YLPM1: variants seen among roughly 807,000 people sequenced by gnomAD.
The protein encoded by YLPM1 is YLP motif-containing protein 1.
YLPM1 carries 99 observed loss-of-function variants against 230.0 expected under a neutral mutation model. The ratio of observed to expected loss-of-function variants is 0.43; its 90% CI spans 0.37 to 0.51. The LOEUF is 0.51. YLPM1 is among the 20% of genes least tolerant of loss of function. The pLI, the probability that YLPM1 is intolerant of heterozygous loss-of-function variation, is 0.00. For synonymous variants in YLPM1, 984 were observed against 942.5 expected (o/e 1.04, Z -0.81); for missense variants, 2,592 against 2,707.7 (o/e 0.96, Z 0.95).
chr14:74,777,150 A>G (rs2091049337), intron 1 of YLPM1, among the ~76,000 whole-genome samples: 1 of 152,236 alleles, frequency 6.6e-6, no homozygotes, highest in Admixed American at 6.5e-5. Context: ...TAATATTTCC[A>G]TACTAAGCTT....
intron 1 of YLPM1, among the ~76,000 whole-genome samples, chr14:74,775,239 C>G (rs2091022989): frequency 6.6e-6 from 1 of 152,096 alleles, no homozygotes; most frequent in Admixed American, 6.5e-5. Context: ...TGATCAATAA[C>G]CATTTATTGA....
At chr14:74,775,955 C>T (rs959211809) in intron 1 of YLPM1, among the ~76,000 whole-genome samples, 1 of 152,178 alleles carries the variant, frequency 6.6e-6, no homozygotes, top group Non-Finnish European at 1.5e-5. Flanking sequence ...ACATCACTTT[C>T]TTGAAATACT....
chr14:74,763,402 C>G lies in YLPM1; in HGVS notation c.-88C>G. On this transcript the variant is annotated 5_prime_UTR_variant, in exon 1 of 21. Coordinates refer to ENST00000325680, the MANE Select transcript of YLPM1 (RefSeq NM_019589.3). The stretch of plus-strand genomic sequence containing the variant: ...CCGGGGCCTGTAGGCGCCGCGAGTT[C>G]CGGCTGTCGCCGTCGCCGCCGCGGC... 5 of 1,374,886 alleles carry G rather than the reference C, an allele frequency of 3.6e-6. No individual in the cohort carries two copies. The highest frequency in any genetic ancestry group is 3.8e-6 in the Non-Finnish European group (4 of 1,057,194). 85.2% of individuals were successfully genotyped at this position (1,374,886 alleles called of 1,614,324 possible).
chr14:74,809,630 T>C lies in YLPM1; in HGVS notation c.4772T>C (p.Leu1591Pro), dbSNP rs1215331384. 6.2e-7 allele frequency: 1 copy of C among 1,613,946 alleles called. No individual in the cohort carries two copies. The highest frequency in any genetic ancestry group is 8.5e-7 in the Non-Finnish European group (1 of 1,179,916). The change falls in exon 7 of 21, where the codon CTG becomes CCG. Residue 1591 changes from leucine (L) to proline (P), a missense_variant. Coordinates refer to ENST00000325680, the MANE Select transcript of YLPM1 (RefSeq NM_019589.3). Reference sequence around the variant, plus strand: ...TGGGATACAAATGATGAACAAGGACTGAATTCAGAATTTAAGTCAGAAACT... The same window carrying C: ...TGGGATACAAATGATGAACAAGGACCGAATTCAGAATTTAAGTCAGAAACT... ...GLWDTNDEQG[L>P]NSEFKSETAA...
chr14:74,820,328 C>T (rs2091510991), intron 16 of YLPM1, among the ~76,000 whole-genome samples: 1 of 152,152 alleles, frequency 6.6e-6, no homozygotes, highest in South Asian at 2.1e-4. Context: ...TAGCTCATTG[C>T]TGCCTCACCT....
chr14:74,790,490 T>A (rs1192549231), intron 4 of YLPM1, among the ~76,000 whole-genome samples: 1 of 152,174 alleles, frequency 6.6e-6, no homozygotes, highest in African/African-American at 2.4e-5. Context: ...TTAAAAGTAT[T>A]TGTATAACTG....
chr14:74,797,744 C>A lies in YLPM1; in HGVS notation c.2447C>A (p.Pro816Gln). 1 of 1,613,576 alleles carries A rather than the reference C, an allele frequency of 6.2e-7. No homozygotes were observed. Among genetic ancestry groups the A allele is most frequent in the South Asian group, 1.1e-5 (1 of 91,064 alleles). ...AAGTGGGGAATGATTCCCCGGGGGC[C>A]AGCATCTCAATTTTATATTACCCCC... The part of the protein sequence containing the change: ...KSKWGMIPRG[P>Q]ASQFYITPST... The change falls in exon 5 of 21, where the codon CCA (proline) becomes CAA (glutamine). Residue 816 changes from proline to glutamine, a missense_variant. This residue lies in a region of YLPM1 where 1,862 missense variants were observed against 1,819.8 expected (regional missense o/e 1.02). Transcript: ENST00000325680.
intron 18 of YLPM1, among the ~76,000 whole-genome samples, chr14:74,824,518 GT>G (rs2091547467): frequency 2.0e-5 from 3 of 152,018 alleles, no homozygotes; most frequent in Admixed American, 2.0e-4. Context: ...ACTATTTAAA[GT>G]TTTTAGAGTC....
intron 1 of YLPM1, among the ~76,000 whole-genome samples, chr14:74,769,505 T>C (rs2090952350): frequency 6.6e-6 from 1 of 151,960 alleles, no homozygotes; most frequent in Non-Finnish European, 1.5e-5. Context: ...TAGGCTGGTC[T>C]CGAACTCCTG....
intron 12 of YLPM1, 68 bp downstream of exon 12, chr14:74,816,333 T>A (rs1852799276): frequency 6.7e-7 from 1 of 1,503,738 alleles, no homozygotes; most frequent in Admixed American, 1.9e-5. Context: ...TGCCTTCTTA[T>A]TAATAGCAAG....
Position 74,816,592 on chromosome 14 carries a change from G to T in YLPM1, c.5587G>T (p.Gly1863Ter). Residue 1863 changes from glycine to a stop codon, truncating the protein, a stop_gained, in exon 13 of 21, where the codon GGA becomes TGA. Coordinates refer to ENST00000325680, the MANE Select transcript of YLPM1 (RefSeq NM_019589.3). LOFTEE classifies it high-confidence loss of function. The stretch of plus-strand genomic sequence containing the variant: ...TTAGGATAAGGAGGTAGAATTTGGA[G>T]GACCTGCACCCAGAGTTCTAAGCCT... Reference protein sequence around the residue: ...LIRDKEVEFGGPAPRVLSLDD... With the variant: ...LIRDKEVEFG 6.2e-7 allele frequency: 1 copy of T among 1,613,196 alleles called. No homozygotes were observed. The highest frequency in any genetic ancestry group is 1.3e-5 in the African/African-American group (1 of 74,944).
Position 74,780,531 on chromosome 14 carries a change from C to A in YLPM1, c.1237C>A (p.Gln413Lys). Residue 413 changes from glutamine (Q) to lysine (K), a missense_variant, in exon 3 of 21, where the codon CAG (glutamine) becomes AAG (lysine). Gln to Lys is a moderately conservative substitution (Grantham distance 53). This residue lies in a region of YLPM1 where 1,862 missense variants were observed against 1,819.8 expected (regional missense o/e 1.02). Transcript: ENST00000325680. The stretch of plus-strand genomic sequence containing the variant: ...AATAATGCAGAAGCACACTCAGTTA[C>A]AGCAGATTCTACAACAGTATCAGCA... ...QGIMQKHTQLQQILQQYQQII... is the reference protein window; with the variant it reads ...QGIMQKHTQLKQILQQYQQII... 2 of 1,614,018 alleles carry A rather than the reference C, an allele frequency of 1.2e-6. No individual in the cohort carries two copies. Among genetic ancestry groups the A allele is most frequent in the East Asian group, 2.2e-5 (1 of 44,892 alleles).
intron 18 of YLPM1, among the ~76,000 whole-genome samples, chr14:74,826,840 C>G (rs1322609659): frequency 6.6e-6 from 1 of 152,200 alleles, no homozygotes; most frequent in Non-Finnish European, 1.5e-5. Flanking sequence ...TGGTGGGATT[C>G]AGCATTGAAG....
intron 4 of YLPM1, among the ~76,000 whole-genome samples, chr14:74,796,401 A>G (rs970850583): frequency 1.3e-5 from 2 of 152,198 alleles, no homozygotes; most frequent in African/African-American, 4.8e-5. Flanking sequence ...CCCTTGCCAC[A>G]TACTTTCCTC....
chr14:74,824,198 G>A (rs1222138069), intron 17 of YLPM1, 58 bp from the exon 18 acceptor site: 1 of 1,541,682 alleles, frequency 6.5e-7, no homozygotes, highest in African/African-American at 1.4e-5. Context: ...GTTCAAACGT[G>A]ATATGCATGT....
chr14:74,787,264 T>C (rs547692464), intron 4 of YLPM1, among the ~76,000 whole-genome samples: 2 of 152,302 alleles, frequency 1.3e-5, no homozygotes, highest in South Asian at 4.1e-4. Context: ...AATGAGCACT[T>C]GAATGTAAAC....
At chr14:74,779,070 G>C (rs940303365) in intron 2 of YLPM1, among the ~76,000 whole-genome samples, 1 of 152,078 alleles carries the variant, frequency 6.6e-6, no homozygotes, top group Non-Finnish European at 1.5e-5. Context: ...TCGAACTCCT[G>C]ACCTCAAGTG....
intron 19 of YLPM1, among the ~76,000 whole-genome samples, chr14:74,833,389 C>T (rs2091622128): frequency 6.6e-6 from 1 of 152,054 alleles, no homozygotes; most frequent in African/African-American, 2.4e-5. Flanking sequence ...GCTAGGATTT[C>T]AGGCACCCAC....
At chr14:74,764,883 G>A (rs146436391) in intron 1 of YLPM1, among the ~76,000 whole-genome samples, 43 of 152,278 alleles carry the variant, frequency 2.8e-4, no homozygotes, top group African/African-American at 9.6e-4. Flanking sequence ...TGGAAATCTT[G>A]TCTTACCAGG....
Sources: gnomAD v4.1 joint callset for allele counts (sites outside exome capture counted in the v4.1 genomes callset) on GRCh38, gnomAD v4.1.1 for gene constraint, gnomAD v4.1.1 regional missense constraint, MANE v1.5 for transcripts, NCBI Gene and HGNC (gene_info 2026-07-23, HGNC 2026-07-21) for gene names.